The following SATB2 variants were observed in gnomAD, a reference collection of about 807,000 sequenced individuals.
SATB2 encodes DNA-binding protein SATB2.
In SATB2, 1 loss-of-function variant was observed where a neutral mutation model predicts 73.4. That is an observed-to-expected ratio of 0.01 (90% confidence interval 0.00 to 0.06). SATB2 has a LOEUF of 0.06. SATB2 is among the 10% of genes least tolerant of loss of function. The pLI is 1.00. For missense variants in SATB2, 459 were observed against 945.8 expected (o/e 0.49, Z 6.75); for synonymous variants, 397 against 367.0 (o/e 1.08, Z -0.93).
chr2:199,407,767 C>T (rs1039681316), intron 3 of SATB2, among the ~76,000 whole-genome samples: 1 of 152,140 alleles, frequency 6.6e-6, no homozygotes, highest in Admixed American at 6.5e-5. Context: ...AAAAGAACAT[C>T]TGGATGCAGT....
At chr2:199,322,917 T>C (rs3948119) in intron 9 of SATB2, among the ~76,000 whole-genome samples, 140,501 of 152,120 alleles carry the variant, frequency 0.92, 65,912 homozygotes, top group East Asian at 1. Flanking sequence ...ATTTGTCATA[T>C]AAGGACACAG....
At chr2:199,297,361 A>G (rs1687141448) in intron 10 of SATB2, among the ~76,000 whole-genome samples, 1 of 152,220 alleles carries the variant, frequency 6.6e-6, no homozygotes, top group Non-Finnish European at 1.5e-5. Flanking sequence ...ACTCCTGTTT[A>G]CCTGCATACA....
chr2:199,373,339 T>A lies in SATB2; in HGVS notation c.598-4632A>T, dbSNP rs78541228. 7.6e-3 allele frequency among the ~76,000 whole-genome samples: 1,150 copies of A among 152,004 alleles called. 13 individuals carry two copies. The highest frequency in any genetic ancestry group is 0.026 in the African/African-American group (1,079 of 41,434). On this transcript the variant is annotated intron_variant, in intron 5 of 10. Coordinates refer to ENST00000417098, the MANE Select transcript of SATB2 (RefSeq NM_001172509.2). ...ATATAATGATACTTCAATTAGGTAA[T>A]GGGAAAAAAACTGATTCTGAGGAAT...
intron 3 of SATB2, among the ~76,000 whole-genome samples, chr2:199,431,598 T>C (rs929887452): frequency 9.2e-5 from 14 of 152,232 alleles, no homozygotes; most frequent in African/African-American, 3.4e-4. Context: ...TGTTTAATAA[T>C]CCTCCACTGT....
rs1026607372 is a variant in SATB2, at chr2:199,272,101, CA to C, written c.*109del. On this transcript the variant is annotated 3_prime_UTR_variant, in exon 11 of 11. Transcript: ENST00000417098. The surrounding 1 kb of genome is among the most constrained non-coding windows in gnomAD (Gnocchi z 6.7). ...AGACATAAAAAGACAAAAATAAAGCCAAAAAAACCCAAAAACAAAAACAAAA... is the reference window on the plus strand; with the variant it reads ...AGACATAAAAAGACAAAAATAAAGCCAAAAAACCCAAAAACAAAAACAAAA... 8.1e-6 allele frequency: 9 copies of C among 1,114,992 alleles called. No homozygotes were observed. Among genetic ancestry groups the C allele is most frequent in the African/African-American group, 1.5e-5 (1 of 64,730 alleles). 69.1% of individuals were successfully genotyped at this position (1,114,992 alleles called of 1,614,324 possible). A position where few individuals can be genotyped will look rare whatever the true frequency, so the allele number is the denominator to read the frequency against.
chr2:199,457,939 C>G lies in SATB2; in HGVS notation c.-660G>C, dbSNP rs966414511. The G allele has an allele frequency of 6.5e-6, 1 of 152,938 alleles. No individual in the cohort carries two copies. Among genetic ancestry groups the G allele is most frequent in the African/African-American group, 2.4e-5 (1 of 41,430 alleles). 9.5% of individuals were successfully genotyped at this position (152,938 alleles called of 1,614,324 possible). A position where few individuals can be genotyped will look rare whatever the true frequency, so the allele number is the denominator to read the frequency against. ...CTCTGCCAGCAGCCAGAGCCGGACT[C>G]ACTGACAAGCCGCAGAGAGAGACAC... On this transcript the variant is annotated 5_prime_UTR_variant, in exon 1 of 11. Coordinates refer to ENST00000417098, the MANE Select transcript of SATB2 (RefSeq NM_001172509.2). This position sits in a 1 kb window ranked among gnomAD's most constrained non-coding sequence, Gnocchi z 4.8.
At chr2:199,444,120 C>T (rs981599960) in intron 2 of SATB2, among the ~76,000 whole-genome samples, 24 of 151,712 alleles carry the variant, frequency 1.6e-4, no homozygotes, top group African/African-American at 5.6e-4. Flanking sequence ...TCTAATACAT[C>T]CTCTTTATAA....
intron 3 of SATB2, among the ~76,000 whole-genome samples, chr2:199,413,578 CT>C (rs764141695): frequency 0.019 from 2,480 of 129,322 alleles, 45 homozygotes; most frequent in African/African-American, 0.055. Context: ...TAGAGAGTCG[CT>C]TTTTTTTTTT....
intron 3 of SATB2, among the ~76,000 whole-genome samples, chr2:199,393,226 C>A (rs988879470): frequency 2.0e-5 from 3 of 152,090 alleles, no homozygotes; most frequent in Non-Finnish European, 2.9e-5. Context: ...CGGTGCCTGG[C>A]AGATGGTAGA....
chr2:199,378,984 C>G (rs368854647), intron 5 of SATB2, among the ~76,000 whole-genome samples: 159 of 152,286 alleles, frequency 1.0e-3, no homozygotes, highest in African/African-American at 3.6e-3. Context: ...AAGCTCATGG[C>G]ACAGCAAATT....
intron 8 of SATB2, among the ~76,000 whole-genome samples, chr2:199,328,455 T>C (rs548326878): frequency 3.7e-4 from 56 of 151,954 alleles, no homozygotes; most frequent in Non-Finnish European, 6.2e-4. Context: ...ACAGGAGAAT[T>C]CCTTGAACCC....
At chr2:199,439,544 G>A (rs1378844482) in intron 2 of SATB2, among the ~76,000 whole-genome samples, 4 of 152,192 alleles carry the variant, frequency 2.6e-5, no homozygotes, top group African/African-American at 4.8e-5. Flanking sequence ...TTGAAATACT[G>A]AAACAAACTT....
chr2:199,295,296 T>C (rs1440416285), intron 10 of SATB2, among the ~76,000 whole-genome samples: 1 of 152,150 alleles, frequency 6.6e-6, no homozygotes, highest in East Asian at 1.9e-4. Flanking sequence ...ATACAATTGT[T>C]TTCAGCAAGT....
chr2:199,433,203 C>A lies in SATB2; in HGVS notation c.346+135G>T, dbSNP rs1363578128. On this transcript the variant is annotated intron_variant, in intron 3 of 10. Transcript: ENST00000417098. ...AACAAGACCTTCTACAAGAAATATTCTACTGCTCACTAGGAAATGCTAAAT... is the reference window on the plus strand; with the variant it reads ...AACAAGACCTTCTACAAGAAATATTATACTGCTCACTAGGAAATGCTAAAT... The A allele has an allele frequency of 3.4e-6, 3 of 883,618 alleles. No homozygotes were observed. In the Admixed American group the frequency reaches 8.6e-5, roughly 25 times the overall value. The allele number at this position is 883,618 out of a possible 1,614,324, so 54.7% of individuals were successfully genotyped here.
upstream of SATB2, among the ~76,000 whole-genome samples, chr2:199,467,157 G>C (rs1057295843): frequency 1.3e-5 from 2 of 152,256 alleles, no homozygotes; most frequent in Admixed American, 1.3e-4. Context: ...CTCCCGGCCA[G>C]ACTCAGGCCT....
chr2:199,429,865 G>A (rs1252674480), intron 3 of SATB2, among the ~76,000 whole-genome samples: 4 of 152,188 alleles, frequency 2.6e-5, no homozygotes, highest in African/African-American at 7.2e-5. Flanking sequence ...AGCCAAGATC[G>A]TGCCCCTGCA....
Position 199,272,939 on chromosome 2 carries a change from T to C in SATB2, c.1741-267A>G, listed in dbSNP as rs1692204507. The stretch of plus-strand genomic sequence containing the variant: ...TTTATTGCCTAAGGTCATCTCACTT[T>C]AGGCAACCTGGCTTCAGAGTCTTCT... On this transcript the variant is annotated intron_variant, in intron 10 of 10. Coordinates refer to ENST00000417098, the MANE Select transcript of SATB2 (RefSeq NM_001172509.2). This position sits in a 1 kb window ranked among gnomAD's most constrained non-coding sequence, Gnocchi z 6.7. Among the ~76,000 whole-genome samples, 1 of 152,206 alleles carries C rather than the reference T, an allele frequency of 6.6e-6. No individual in the cohort carries two copies. The highest frequency in any genetic ancestry group is 1.5e-5 in the Non-Finnish European group (1 of 68,040).
chr2:199,301,284 TCA>T (rs1200630799), intron 10 of SATB2, among the ~76,000 whole-genome samples: 3 of 152,000 alleles, frequency 2.0e-5, no homozygotes, highest in Non-Finnish European at 4.4e-5. Context: ...AAAAAAGAAG[TCA>T]TATGAATCTC....
At chr2:199,290,575 T>C (rs1460781458) in intron 10 of SATB2, among the ~76,000 whole-genome samples, 2 of 152,220 alleles carry the variant, frequency 1.3e-5, no homozygotes, top group Admixed American at 6.5e-5. Flanking sequence ...TGAGTTATCA[T>C]AGTTTATAAT....
Sources: gnomAD v4.1 joint callset for allele counts (sites outside exome capture counted in the v4.1 genomes callset) on GRCh38, gnomAD v4.1.1 for gene constraint, Gnocchi (gnomAD v3.1) non-coding constraint, MANE v1.5 for transcripts, NCBI Gene and HGNC (gene_info 2026-07-23, HGNC 2026-07-21) for gene names.